GABRB1: variants seen among roughly 807,000 people sequenced by gnomAD.
GABRB1 encodes the protein gamma-aminobutyric acid receptor subunit beta-1.
A neutral mutation model predicts 51.6 loss-of-function variants in GABRB1; 17 were observed. The ratio of observed to expected loss-of-function variants is 0.33; its 90% CI spans 0.23 to 0.49. GABRB1 has a LOEUF of 0.49. GABRB1 is among the 20% of genes least tolerant of loss of function. GABRB1 has a pLI of 0.99. For synonymous variants in GABRB1, 247 were observed against 218.9 expected (o/e 1.13, Z -1.14); for missense variants, 410 against 600.6 (o/e 0.68, Z 3.32).
intron 8 of GABRB1, among the ~76,000 whole-genome samples, chr4:47,423,947 A>G (rs2110069288): frequency 6.6e-6 from 1 of 152,316 alleles, no homozygotes; most frequent in East Asian, 1.9e-4. Context: ...AGTTATTAAC[A>G]ACAACAACAA....
In GABRB1 at chr4:47,279,478, G is replaced by T. The variant is rs912233662; in HGVS notation, c.462-40649G>T. 7.9e-5 allele frequency among the ~76,000 whole-genome samples: 12 copies of T among 152,118 alleles called. 1 individual carries two copies. Among genetic ancestry groups the T allele is most frequent in the Admixed American group, 5.9e-4 (9 of 15,268 alleles). ...GAGTTACAAGGTAAATGCATTTCTT[G>T]TTGGAAAGTAAGGAAAAGTTTGAAA... On this transcript the variant is annotated intron_variant, in intron 4 of 8. Coordinates refer to ENST00000295454, the MANE Select transcript of GABRB1 (RefSeq NM_000812.4).
chr4:47,110,558 T>C (rs1236814850), intron 3 of GABRB1, among the ~76,000 whole-genome samples: 1 of 152,204 alleles, frequency 6.6e-6, no homozygotes. Context: ...TTTTAGCCAG[T>C]TGCAATAGCT....
chr4:47,357,801 C>T (rs1255819496), intron 5 of GABRB1, among the ~76,000 whole-genome samples: 5 of 152,168 alleles, frequency 3.3e-5, no homozygotes, highest in African/African-American at 1.2e-4. Context: ...GAGCCTGGTT[C>T]TCTGATGTTC....
chr4:47,177,282 A>T (rs1264378717), intron 4 of GABRB1, among the ~76,000 whole-genome samples: 2 of 152,128 alleles, frequency 1.3e-5, no homozygotes, highest in East Asian at 3.9e-4. Context: ...TAAATAATGT[A>T]AGAATAAAAT....
chr4:47,354,531 G>A (rs1196495445), intron 5 of GABRB1, among the ~76,000 whole-genome samples: 1 of 151,968 alleles, frequency 6.6e-6, no homozygotes, highest in Non-Finnish European at 1.5e-5. Flanking sequence ...TGCTCTCCAG[G>A]CCTTCCTGTA....
chr4:47,112,916 A>G (rs1179423455), intron 3 of GABRB1, among the ~76,000 whole-genome samples: 1 of 152,144 alleles, frequency 6.6e-6, no homozygotes, highest in Non-Finnish European at 1.5e-5. Flanking sequence ...CTCTAAATCT[A>G]TATTTCCTTT....
chr4:47,245,752 C>T (rs1329000718), intron 4 of GABRB1, among the ~76,000 whole-genome samples: 2 of 151,662 alleles, frequency 1.3e-5, no homozygotes, highest in African/African-American at 4.8e-5. Context: ...CAGTTTAAAC[C>T]ACCATATTTT....
intron 1 of GABRB1, among the ~76,000 whole-genome samples, chr4:47,021,953 A>T (rs1724941709): frequency 6.6e-6 from 1 of 152,114 alleles, no homozygotes; most frequent in African/African-American, 2.4e-5. Flanking sequence ...TTTATTTTTA[A>T]TTCCTAATTC....
At chr4:47,093,207 T>C (rs1448457147) in intron 3 of GABRB1, among the ~76,000 whole-genome samples, 1 of 152,212 alleles carries the variant, frequency 6.6e-6, no homozygotes, top group African/African-American at 2.4e-5. Flanking sequence ...TGACCTGTAT[T>C]ATTTTTAGAT....
intron 8 of GABRB1, among the ~76,000 whole-genome samples, chr4:47,421,594 ATCCAAG>A (rs1729092227): frequency 6.6e-6 from 1 of 152,124 alleles, no homozygotes; most frequent in African/African-American, 2.4e-5. Flanking sequence ...ACCCAGACTT[ATCCAAG>A]TCCATTTCTG....
At chr4:47,144,019 A>T (rs1176290716) in intron 3 of GABRB1, among the ~76,000 whole-genome samples, 1 of 151,940 alleles carries the variant, frequency 6.6e-6, no homozygotes, top group Non-Finnish European at 1.5e-5. Flanking sequence ...ATGGTATTTG[A>T]TATGTATTTG....
chr4:47,275,007 C>T (rs533772995), intron 4 of GABRB1, among the ~76,000 whole-genome samples: 2 of 152,226 alleles, frequency 1.3e-5, no homozygotes, highest in Non-Finnish European at 1.5e-5. Flanking sequence ...GAAATAAAGC[C>T]TTTGCAAAGT....
chr4:47,186,483 A>G (rs989087673), intron 4 of GABRB1, among the ~76,000 whole-genome samples: 2 of 151,878 alleles, frequency 1.3e-5, no homozygotes, highest in Admixed American at 1.3e-4. Context: ...TCCTTGAAAA[A>G]TATCTCTAGT....
At chr4:47,412,890 A>G (rs1156900603) in intron 8 of GABRB1, among the ~76,000 whole-genome samples, 1 of 152,224 alleles carries the variant, frequency 6.6e-6, no homozygotes, top group Non-Finnish European at 1.5e-5. Context: ...TAGATGTGCC[A>G]TTTGCATAGC....
intron 4 of GABRB1, among the ~76,000 whole-genome samples, chr4:47,248,288 TG>T (rs771575889): frequency 2.4e-4 from 36 of 152,172 alleles, no homozygotes; most frequent in Non-Finnish European, 5.1e-4. Context: ...ATGTGATTTT[TG>T]TTTTTAATTC....
intron 5 of GABRB1, among the ~76,000 whole-genome samples, chr4:47,327,330 AG>A (rs1244799193): frequency 1.3e-5 from 2 of 151,528 alleles, no homozygotes; most frequent in Non-Finnish European, 2.9e-5. Context: ...ATCGCTTAAA[AG>A]AAAAAAAAAA....
chr4:47,215,402 A>G (rs1338792797), intron 4 of GABRB1, among the ~76,000 whole-genome samples: 1 of 152,106 alleles, frequency 6.6e-6, no homozygotes, highest in African/African-American at 2.4e-5. Flanking sequence ...AGTAATTCTC[A>G]AAGTTTATAT....
At chr4:47,354,779 C>A (rs969462274) in intron 5 of GABRB1, among the ~76,000 whole-genome samples, 14 of 151,450 alleles carry the variant, frequency 9.2e-5, no homozygotes, top group Non-Finnish European at 1.5e-4. Context: ...TTTTAAACTG[C>A]AAATTTGGGG....
At chr4:47,052,492 G>T (rs779928085) in intron 3 of GABRB1, among the ~76,000 whole-genome samples, 12 of 152,216 alleles carry the variant, frequency 7.9e-5, no homozygotes, top group Non-Finnish European at 1.5e-4. Flanking sequence ...TTACTTACAA[G>T]CATATGGCTA....
Sources: gnomAD v4.1 joint callset for allele counts (sites outside exome capture counted in the v4.1 genomes callset) on GRCh38, gnomAD v4.1.1 for gene constraint, MANE v1.5 for transcripts, NCBI Gene and HGNC (gene_info 2026-07-23, HGNC 2026-07-21) for gene names.